Variants in PSMD13 observed in about 807,000 individuals in gnomAD.
PSMD13 encodes the protein proteasome 26S subunit, non-ATPase 13, also known as 26S proteasome non-ATPase regulatory subunit 13.
Under a neutral mutation model 57.4 loss-of-function variants are expected in PSMD13, and 8 were observed. The observed-to-expected ratio is 0.14, with a 90% confidence interval of 0.08 to 0.25. The LOEUF (loss-of-function observed/expected upper bound fraction) is 0.25, where lower values mean the gene tolerates loss of function less well. Among genes scored for constraint, PSMD13 ranks in the 10% least tolerant of loss-of-function variants. PSMD13 has a pLI of 1.00. For synonymous variants in PSMD13, 193 were observed against 168.2 expected, an observed-to-expected ratio of 1.15 and a Z score of -1.14; for missense variants, 400 against 461.5, an observed-to-expected ratio of 0.87 and a Z score of 1.22.
chr11:237,667 GCTGGTTGCA>G (rs757966461), intron 1 of PSMD13, among the ~76,000 whole-genome samples: 1 of 152,188 alleles, frequency 6.6e-6, no homozygotes, highest in African/African-American at 2.4e-5. Context: ...TCATTCTGCA[GCTGGTTGCA>G]CGGGGTGCAA....
In PSMD13 at chr11:252,058, G is replaced by A; in HGVS notation, c.1035+122G>A. On this transcript the variant is annotated intron_variant, in intron 12 of 12. Transcript: ENST00000532097. This position sits in a 1 kb window ranked among gnomAD's most constrained non-coding sequence, Gnocchi z 4.1. ...CAGCATTATTAGACAAGAGGTTTTG[G>A]AGAAGGAAATACTGCTGTTGGGTTT... 1 of 941,410 alleles carries A rather than the reference G, an allele frequency of 1.1e-6. No individual in the cohort carries two copies. The highest frequency in any genetic ancestry group is 2.2e-5 in the Admixed American group (1 of 44,522). 58.3% of individuals were successfully genotyped at this position (941,410 alleles called of 1,614,324 possible). A position where few individuals can be genotyped will look rare whatever the true frequency, so the allele number is the denominator to read the frequency against.
At chr11:250,937 A>C in intron 10 of PSMD13, 72 bp downstream of exon 10, 1 of 1,352,636 alleles carries the variant, frequency 7.4e-7, no homozygotes, top group Non-Finnish European at 1.1e-6. Flanking sequence ...TGCACTCTCC[A>C]AGCCTGTGCT....
intron 1 of PSMD13, 66 bp downstream of exon 1, chr11:237,210 G>A (rs1433833917): frequency 6.8e-7 from 1 of 1,474,262 alleles, no homozygotes; most frequent in Admixed American, 2.0e-5. Context: ...CAGGCGGGCG[G>A]AGGAGCGGAC....
chr11:249,009 T>C lies in PSMD13; in HGVS notation c.726T>C (p.Ser242=). The change falls in exon 9 of 13, where the codon AGT becomes AGC. Residue 242 remains serine, a synonymous_variant. Coordinates refer to ENST00000532097, the MANE Select transcript of PSMD13 (RefSeq NM_002817.4). ...WLIDTLYAFN[S]GNVERFQTLK... is the part of the protein sequence containing the mutation. Reference sequence around the variant, plus strand: ...TTGACACCCTCTATGCCTTCAACAGTGGCAACGTAGAGCGGTTCCAGACTC... The same window carrying C: ...TTGACACCCTCTATGCCTTCAACAGCGGCAACGTAGAGCGGTTCCAGACTC... 1 of 1,613,974 alleles carries C rather than the reference T, an allele frequency of 6.2e-7. No individual in the cohort carries two copies. The highest frequency in any genetic ancestry group is 8.5e-7 in the Non-Finnish European group (1 of 1,180,016).
At chr11:248,592 A>G (rs2133991023) in intron 7 of PSMD13, 184 bp from the exon 8 acceptor site, 1 of 615,734 alleles carries the variant, frequency 1.6e-6, no homozygotes, top group Admixed American at 2.9e-5. Flanking sequence ...AAACCCATGT[A>G]TATATGGTTC....
At chr11:237,735 G>A (rs1045360073) in intron 1 of PSMD13, among the ~76,000 whole-genome samples, 1 of 152,164 alleles carries the variant, frequency 6.6e-6, no homozygotes, top group African/African-American at 2.4e-5. Context: ...TTTCTCATGG[G>A]CTTTCTGCCC....
At chr11:245,266 G>A (rs565815044) in intron 6 of PSMD13, among the ~76,000 whole-genome samples, 4 of 152,168 alleles carry the variant, frequency 2.6e-5, no homozygotes, top group South Asian at 2.1e-4. Context: ...ACCTTTTACC[G>A]CTTTTGCCTT....
At chr11:247,240 A>G (rs762584228) in intron 6 of PSMD13, 37 bp from the exon 7 acceptor site, 12 of 1,573,544 alleles carry the variant, frequency 7.6e-6, no homozygotes, top group Non-Finnish European at 1.0e-5. Flanking sequence ...TAAACTTTTA[A>G]CTTAAAAAGA....
intron 1 of PSMD13, among the ~76,000 whole-genome samples, chr11:238,664 C>T (rs1264785191): frequency 1.3e-5 from 2 of 152,116 alleles, no homozygotes; most frequent in Non-Finnish European, 2.9e-5. Context: ...GAGTCAGACT[C>T]TGTCTCAAAA....
chr11:240,102 T>C (rs1422347281), intron 2 of PSMD13, among the ~76,000 whole-genome samples: 1 of 33,564 alleles, frequency 3.0e-5, no homozygotes, highest in Non-Finnish European at 6.2e-5. Flanking sequence ...TGAGACCTGC[T>C]TTTTTTTTTT....
At chr11:241,168 C>T (rs1859505876) in intron 2 of PSMD13, among the ~76,000 whole-genome samples, 1 of 143,948 alleles carries the variant, frequency 6.9e-6, no homozygotes. Flanking sequence ...GGGACAGAGT[C>T]TCGCACTGTC....
In PSMD13 at chr11:244,776, A is replaced by G; in HGVS notation, c.396+15A>G. 1.3e-6 allele frequency: 2 copies of G among 1,542,568 alleles called. No homozygotes were observed. The highest frequency in any genetic ancestry group is 8.9e-7 in the Non-Finnish European group (1 of 1,129,596). On this transcript the variant is annotated intron_variant, in intron 6 of 12. Transcript: ENST00000532097. ...AGGTTACAAAGGTGAGATCACCATA[A>G]TACAGATTTATCTTTGGTTTAAAAT...
rs777547595 is a variant in PSMD13 at position 247,313 on chromosome 11, C to A, written c.433C>A (p.Leu145Ile). The change falls in exon 7 of 13, where the codon CTT becomes ATT. Residue 145 changes from leucine to isoleucine, a missense_variant. Transcript: ENST00000532097. ...IEDVEEMLNN[L>I]PGVTSVHSRF... is the part of the protein sequence containing the mutation. ...AGATGTTGAAGAAATGCTCAACAAC[C>A]TTCCTGGTGTGACATCGGTTCACAG... The A allele has an allele frequency of 2.5e-6, 4 of 1,613,574 alleles. No individual in the cohort carries two copies. In the South Asian group the frequency reaches 3.3e-5, roughly 13 times the overall value.
chr11:249,325 AC>A (rs1425699673), intron 9 of PSMD13, among the ~76,000 whole-genome samples: 1 of 152,030 alleles, frequency 6.6e-6, no homozygotes, highest in Non-Finnish European at 1.5e-5. Flanking sequence ...AGGGGGTGTC[AC>A]AGAAGATGTA....
At chr11:250,238 A>G (rs1859744226) in intron 9 of PSMD13, among the ~76,000 whole-genome samples, 1 of 152,244 alleles carries the variant, frequency 6.6e-6, no homozygotes, top group Non-Finnish European at 1.5e-5. Context: ...CTGTGCTCAC[A>G]GGTAACGTTT....
chr11:237,018 T>G lies in PSMD13; in HGVS notation c.-32T>G, dbSNP rs747380653. On this transcript the variant is annotated 5_prime_UTR_variant, in exon 1 of 13. Coordinates refer to ENST00000532097, the MANE Select transcript of PSMD13 (RefSeq NM_002817.4). Reference sequence around the variant, plus strand: ...ATCCCCGCGGTGCTGACATCCCGGTTGTTCTTCTGTGCCGGGGGTCTTCCT... The same window carrying G: ...ATCCCCGCGGTGCTGACATCCCGGTGGTTCTTCTGTGCCGGGGGTCTTCCT... 13 of 1,557,814 alleles carry G rather than the reference T, an allele frequency of 8.3e-6. No individual in the cohort carries two copies. The highest frequency in any genetic ancestry group is 1.7e-4 in the Middle Eastern group (1 of 5,882).
chr11:250,165 G>A (rs1017957167), intron 9 of PSMD13, among the ~76,000 whole-genome samples: 1 of 152,186 alleles, frequency 6.6e-6, no homozygotes, highest in African/African-American at 2.4e-5. Context: ...CCCCATCGGG[G>A]CTACCTGTGT....
Position 237,029 on chromosome 11 carries a change from G to GC in PSMD13, c.-19dup. 6.3e-7 allele frequency: 1 copy of GC among 1,591,104 alleles called. No individual in the cohort carries two copies. The highest frequency in any genetic ancestry group is 1.1e-5 in the South Asian group (1 of 90,474). ...GCTGACATCCCGGTTGTTCTTCTGT[G>GC]CCGGGGGTCTTCCTGCTGTCATGAA... is the stretch of plus-strand genomic sequence containing the variant. On this transcript the variant is annotated 5_prime_UTR_variant, in exon 1 of 13. Transcript: ENST00000532097.
chr11:239,181 C>T, intron 2 of PSMD13, 105 bp downstream of exon 2: 2 of 1,137,726 alleles, frequency 1.8e-6, no homozygotes, highest in Non-Finnish European at 1.3e-6. Flanking sequence ...CAATATTCAG[C>T]AGTCACTTTA....
Sources: allele counts gnomAD v4.1 joint callset (sites outside exome capture counted in the v4.1 genomes callset), GRCh38; gene constraint gnomAD v4.1.1; non-coding constraint Gnocchi (gnomAD v3.1); transcripts MANE v1.5; gene names NCBI Gene and HGNC (gene_info 2026-07-23, HGNC 2026-07-21).